The following BCAT1 variants were observed in gnomAD, a reference collection of about 807,000 sequenced individuals.
The protein encoded by BCAT1 is branched chain amino acid transaminase 1, also known as branched-chain-amino-acid aminotransferase, cytosolic.
Under a neutral mutation model 52.4 loss-of-function variants are expected in BCAT1, and 48 were observed. The observed-to-expected ratio is 0.92, with a 90% CI of 0.73 to 1.16. The LOEUF (loss-of-function observed/expected upper bound fraction) is 1.16, where lower values mean the gene tolerates loss of function less well. Ranked by LOEUF, BCAT1 falls within the 50% of genes most tolerant of loss-of-function variation. BCAT1 has a pLI of 0.00. For missense variants in BCAT1, 451 were observed against 457.1 expected (o/e 0.99, Z 0.12); for synonymous variants, 167 against 161.3 (o/e 1.04, Z -0.27).
At chr12:24,840,372 G>A (rs1165362258) in intron 7 of BCAT1, among the ~76,000 whole-genome samples, 2 of 152,122 alleles carry the variant, frequency 1.3e-5, no homozygotes. Flanking sequence ...GGGAAGAAGG[G>A]TTGAATCGGC....
chr12:24,893,149 T>G (rs1223754668), intron 3 of BCAT1, among the ~76,000 whole-genome samples: 2 of 152,196 alleles, frequency 1.3e-5, no homozygotes, highest in African/African-American at 2.4e-5. Context: ...ATTGGAACCT[T>G]AGCTCCACCC....
At position 24,849,959 on chromosome 12, in the gene BCAT1, A is replaced by C; in HGVS notation, c.511-10T>G. The C allele has an allele frequency of 6.2e-7, 1 of 1,601,052 alleles. No homozygotes were observed. Among genetic ancestry groups the C allele is most frequent in the African/African-American group, 1.3e-5 (1 of 74,656 alleles). The stretch of plus-strand genomic sequence containing the variant: ...TGACTCCAAGAGAAGGCTGCAACAA[A>C]GTAGAAGTACATACAACTGTAACTT... On this transcript the variant is annotated splice_polypyrimidine_tract_variant and intron_variant, in intron 5 of 10. Transcript: ENST00000261192.
chr12:24,893,404 A>G (rs1942890230), intron 3 of BCAT1, among the ~76,000 whole-genome samples: 1 of 152,174 alleles, frequency 6.6e-6, no homozygotes, highest in Non-Finnish European at 1.5e-5. Flanking sequence ...TAAATTCCTC[A>G]AGTCATAAAG....
At chr12:24,822,347 T>G (rs766714299) in intron 10 of BCAT1, among the ~76,000 whole-genome samples, 3 of 152,130 alleles carry the variant, frequency 2.0e-5, no homozygotes, top group Non-Finnish European at 4.4e-5. Context: ...GTCAAATCTG[T>G]GGTTATGAGG....
chr12:24,935,652 C>T (rs1464601472), intron 1 of BCAT1, among the ~76,000 whole-genome samples: 1 of 152,144 alleles, frequency 6.6e-6, no homozygotes, highest in Non-Finnish European at 1.5e-5. Flanking sequence ...CTTAACAGTT[C>T]CTACCTCAAT....
chr12:24,829,784 A>G (rs777762603), intron 10 of BCAT1, 39 bp downstream of exon 10: 1 of 1,504,524 alleles, frequency 6.6e-7, no homozygotes, highest in African/African-American at 1.4e-5. Context: ...AAAAAAAGAA[A>G]AGAAAAGGAA....
rs2046524 is a variant in BCAT1, at chr12:24,816,120, T to C, written c.*1888A>G. 118,439 of 160,648 alleles carry C rather than the reference T, an allele frequency of 0.74. 43,803 individuals are homozygous for C. The highest frequency in any genetic ancestry group is 0.87 in the East Asian group (4,979 of 5,718). The allele number at this position is 160,648 out of a possible 1,614,324, so 10.0% of individuals were successfully genotyped here. On this transcript the variant is annotated 3_prime_UTR_variant, in exon 11 of 11. Transcript: ENST00000261192. Reference sequence around the variant, plus strand: ...AAAAGCCCCCTAAAAGATATTTTTATCATTCCTTTTCATCTTATATTTCTC... The same window carrying C: ...AAAAGCCCCCTAAAAGATATTTTTACCATTCCTTTTCATCTTATATTTCTC...
Position 24,842,111 on chromosome 12 carries a change from AG to A in BCAT1, c.787del (p.Leu263PhefsTer6). 1 of 1,613,842 alleles carries A rather than the reference AG, an allele frequency of 6.2e-7. No individual in the cohort carries two copies. Among genetic ancestry groups the A allele is most frequent in the Non-Finnish European group, 8.5e-7 (1 of 1,179,786 alleles). On this transcript the variant is annotated frameshift_variant, in exon 7 of 11. Transcript: ENST00000261192. LOFTEE classifies it high-confidence loss of function. ...HQITEVGTMNLFLYWINEDGE... is the reference protein window; with the variant it reads ...HQITEVGTMNXFLYWINEDGE... The stretch of plus-strand genomic sequence containing the variant: ...ATCTTCATTTATCCAGTAAAGAAAA[AG>A]ATTCATAGTTCCCACTTCAGTGATC...
At position 24,849,762 on chromosome 12, in the gene BCAT1, A is replaced by G. The variant is rs199633803; in HGVS notation, c.674+24T>C. The G allele has an allele frequency of 5.0e-6, 8 of 1,594,012 alleles. No homozygotes were observed. The Admixed American group carries it at 1.2e-4, about 24-fold the overall frequency. On this transcript the variant is annotated intron_variant, in intron 6 of 10. Coordinates refer to ENST00000261192, the MANE Select transcript of BCAT1 (RefSeq NM_005504.7). ...ATGGTCATGAAGGTGTCTTTCCTTT[A>G]GACAGAGACACAGATTTACTTACCC...
chr12:24,871,231 G>A (rs537210277), intron 5 of BCAT1, among the ~76,000 whole-genome samples: 4 of 152,274 alleles, frequency 2.6e-5, no homozygotes, highest in Non-Finnish European at 5.9e-5. Context: ...CTTTTGCTGG[G>A]ATATAATCAC....
chr12:24,846,963 A>G (rs1941363912), intron 6 of BCAT1, among the ~76,000 whole-genome samples: 1 of 152,222 alleles, frequency 6.6e-6, no homozygotes, highest in African/African-American at 2.4e-5. Flanking sequence ...AAGATCTCAC[A>G]GATAGTTAAG....
At chr12:24,875,006 CAAAAAA>C (rs11370314) in intron 5 of BCAT1, among the ~76,000 whole-genome samples, 2 of 138,014 alleles carry the variant, frequency 1.4e-5, no homozygotes, top group African/African-American at 5.4e-5. Context: ...AAGACAGGAC[CAAAAAA>C]AAAAAAAAAA....
chr12:24,902,081 C>G (rs1943120385), intron 1 of BCAT1, 196 bp from the exon 2 acceptor site: 2 of 1,492,054 alleles, frequency 1.3e-6, no homozygotes, highest in Non-Finnish European at 1.8e-6. Flanking sequence ...CCCTGCACTT[C>G]CCACCCTGCC....
intron 1 of BCAT1, among the ~76,000 whole-genome samples, chr12:24,934,833 G>T (rs964374638): frequency 6.6e-6 from 1 of 152,136 alleles, no homozygotes; most frequent in East Asian, 1.9e-4. Flanking sequence ...GATTACAGGG[G>T]GATACAAATT....
rs539768025 is a variant in BCAT1, at chr12:24,866,307, G to A, written c.510+12223C>T. Among the ~76,000 whole-genome samples the A allele has an allele frequency of 7.2e-5, 11 of 152,188 alleles. 1 individual carries two copies. The East Asian group carries it at 1.4e-3, about 19-fold the overall frequency. The stretch of plus-strand genomic sequence containing the variant: ...GATTTCTCGCCGGGCCAGATTTCTC[G>A]CCAGGCCTTAGCTGCCTCCCTGCAG... On this transcript the variant is annotated intron_variant, in intron 5 of 10. Coordinates refer to ENST00000261192, the MANE Select transcript of BCAT1 (RefSeq NM_005504.7).
intron 7 of BCAT1, among the ~76,000 whole-genome samples, chr12:24,836,924 AAG>A (rs1940975873): frequency 9.4e-6 from 1 of 106,172 alleles, no homozygotes; most frequent in Non-Finnish European, 2.2e-5. Flanking sequence ...GAAAGAAAGA[AAG>A]AAAGAAAGAA....
rs1030209277 is a variant in BCAT1, at chr12:24,810,951, C to G, written c.*7057G>C. On this transcript the variant is annotated 3_prime_UTR_variant, in exon 11 of 11. Transcript: ENST00000261192. ...CTAGGCCTTTTACTTTTTAAAGTGT[C>G]TTTTATTCTAAAGCTAGTTAACCAC... 3 of 152,094 alleles carry G rather than the reference C, an allele frequency of 2.0e-5. No individual in the cohort carries two copies. The highest frequency in any genetic ancestry group is 7.2e-5 in the African/African-American group (3 of 41,428). 9.4% of individuals were successfully genotyped at this position (152,094 alleles called of 1,614,324 possible).
At chr12:24,940,836 A>G (rs1245072468) in intron 1 of BCAT1, among the ~76,000 whole-genome samples, 6 of 152,166 alleles carry the variant, frequency 3.9e-5, no homozygotes, top group African/African-American at 1.4e-4. Context: ...CAAAAGAACA[A>G]TCCTTCTTCA....
At chr12:24,940,316 G>A (rs1432720894) in intron 1 of BCAT1, among the ~76,000 whole-genome samples, 2 of 140,532 alleles carry the variant, frequency 1.4e-5, no homozygotes, top group Non-Finnish European at 3.2e-5. Context: ...TTCAAGCTTC[G>A]AAGTGTTGTC....
Sources: allele counts gnomAD v4.1 joint callset (sites outside exome capture counted in the v4.1 genomes callset), GRCh38; gene constraint gnomAD v4.1.1; transcripts MANE v1.5; gene names NCBI Gene and HGNC (gene_info 2026-07-23, HGNC 2026-07-21).